The following YTHDF2 variants were observed in gnomAD, a reference collection of about 807,000 sequenced individuals.
YTHDF2 encodes YTH N6-methyladenosine RNA binding protein F2, also known as YTH domain-containing family protein 2.
A neutral mutation model predicts 50.4 loss-of-function variants in YTHDF2; 2 were observed. That is an observed-to-expected ratio of 0.04 (90% CI 0.02 to 0.12). The LOEUF is 0.12. Ranked by LOEUF, YTHDF2 falls within the 10% of genes least tolerant of loss-of-function variation. The pLI is 1.00. For missense variants in YTHDF2, 483 were observed against 722.6 expected (o/e 0.67, Z 3.80); for synonymous variants, 217 against 255.6 (o/e 0.85, Z 1.44).
chr1:28,737,336 G>A, intron 1 of YTHDF2, 189 bp downstream of exon 1: 2 of 764,010 alleles, frequency 2.6e-6, no homozygotes. Flanking sequence ...CTTCTCCTCG[G>A]GCCTCGGAGC....
At chr1:28,753,054 A>C in intron 4 of YTHDF2, among the ~76,000 whole-genome samples, 1 of 151,866 alleles carries the variant, frequency 6.6e-6, no homozygotes, top group East Asian at 1.9e-4. Context: ...AGAAAAAAAA[A>C]TTTTTTTGAG....
Position 28,743,216 on chromosome 1 carries a change from C to G in YTHDF2, c.946C>G (p.Pro316Ala), listed in dbSNP as rs750376235. The G allele has an allele frequency of 9.3e-6, 15 of 1,614,154 alleles. No individual in the cohort carries two copies. The highest frequency in any genetic ancestry group is 1.3e-5 in the Non-Finnish European group (15 of 1,180,050). The change falls in exon 4 of 5, where the codon CCA becomes GCA. Residue 316 changes from proline (P) to alanine (A), a missense_variant. Transcript: ENST00000373812. This position sits in a 1 kb window ranked among gnomAD's most constrained non-coding sequence, Gnocchi z 6.9. Reference protein sequence around the residue: ...PVGQQANNSPPVAQASVGQQT... With the variant: ...PVGQQANNSPAVAQASVGQQT... ...AGGTCAGCAGGCTAACAATAGCCCA[C>G]CAGTGGCTCAGGCATCAGTAGGGCA... is the stretch of plus-strand genomic sequence containing the variant.
intron 4 of YTHDF2, among the ~76,000 whole-genome samples, chr1:28,768,634 TC>T (rs1358467965): frequency 6.6e-6 from 1 of 152,160 alleles, no homozygotes; most frequent in African/African-American, 2.4e-5. Flanking sequence ...TTGGGTTACT[TC>T]CATTAGGCCC....
chr1:28,749,166 CCTTT>C (rs1344633727), intron 4 of YTHDF2, among the ~76,000 whole-genome samples: 5 of 140,742 alleles, frequency 3.6e-5, no homozygotes, highest in Admixed American at 7.1e-5. Flanking sequence ...CAGTTAAGAG[CCTTT>C]CTTTCTTCCT....
At chr1:28,759,635 CAG>C (rs1458038084) in intron 4 of YTHDF2, among the ~76,000 whole-genome samples, 1 of 152,134 alleles carries the variant, frequency 6.6e-6, no homozygotes, top group Non-Finnish European at 1.5e-5. Context: ...TATCTAAACA[CAG>C]AAAATGTACA....
At position 28,766,799 on chromosome 1, in the gene YTHDF2, G is replaced by T. The variant is rs563542000; in HGVS notation, c.1717-2130G>T. The stretch of plus-strand genomic sequence containing the variant: ...CAAGAAGGAGCCTACTGATGCCCTG[G>T]CTTCCCACTCTGTTTCCAATCTATA... On this transcript the variant is annotated intron_variant, in intron 4 of 4. Transcript: ENST00000373812. Among the ~76,000 whole-genome samples the T allele has an allele frequency of 2.0e-5, 3 of 151,492 alleles. No individual in the cohort carries two copies. The East Asian group carries it at 5.8e-4, about 29-fold the overall frequency.
Position 28,741,739 on chromosome 1 carries a change from G to A in YTHDF2, c.133-664G>A, listed in dbSNP as rs1205824412. Among the ~76,000 whole-genome samples, 3 of 152,200 alleles carry A rather than the reference G, an allele frequency of 2.0e-5. No homozygotes were observed. The East Asian group carries it at 5.8e-4, about 29-fold the overall frequency. On this transcript the variant is annotated intron_variant, in intron 3 of 4. Transcript: ENST00000373812. ...TAGTGAACCTTGCTTTTTGGTTTAT[G>A]ATTGAGGAACGGCTGTACAGACATT...
At chr1:28,737,353 G>A (rs2087707162) in intron 1 of YTHDF2, 1 of 662,778 alleles carries the variant, frequency 1.5e-6, no homozygotes, top group Non-Finnish European at 2.4e-6. Flanking sequence ...GAGCCCACGG[G>A]CCGGGCCGCG....
Position 28,737,158 on chromosome 1 carries a change from G to C in YTHDF2, c.27+11G>C. 1 of 1,587,770 alleles carries C rather than the reference G, an allele frequency of 6.3e-7. No homozygotes were observed. Among genetic ancestry groups the C allele is most frequent in the Non-Finnish European group, 8.5e-7 (1 of 1,169,772 alleles). On this transcript the variant is annotated intron_variant, in intron 1 of 4. Transcript: ENST00000373812. ...AGCCTCTTGGAGCAGGTACAGGCCC[G>C]GCCCGCATGCCTCGGCCATTGTGTG...
At chr1:28,761,052 C>T (rs1331831074) in intron 4 of YTHDF2, among the ~76,000 whole-genome samples, 1 of 151,192 alleles carries the variant, frequency 6.6e-6, no homozygotes, top group African/African-American at 2.4e-5. Flanking sequence ...TTTGTCAGCT[C>T]CATTATAATC....
At chr1:28,745,071 C>T (rs1230601575) in intron 4 of YTHDF2, among the ~76,000 whole-genome samples, 1 of 152,090 alleles carries the variant, frequency 6.6e-6, no homozygotes, top group Non-Finnish European at 1.5e-5. Context: ...GTTGATTAAT[C>T]TCAAATATAA....
At position 28,742,978 on chromosome 1, in the gene YTHDF2, A is replaced by G. The variant is rs771804568; in HGVS notation, c.708A>G (p.Pro236=). The change falls in exon 4 of 5, where the codon CCA becomes CCG. Residue 236 remains proline (P), a synonymous_variant. Coordinates refer to ENST00000373812, the MANE Select transcript of YTHDF2 (RefSeq NM_016258.3). ...CAGCCACCATTGCTCCTCCAAAACC[A>G]GCATCTTGGGCTGATATTGCTAGCA... ...LPPATIAPPK[P]ASWADIASKP... is the part of the protein sequence containing the mutation. The G allele has an allele frequency of 2.5e-6, 4 of 1,614,180 alleles. No individual in the cohort carries two copies. The highest frequency in any genetic ancestry group is 3.4e-6 in the Non-Finnish European group (4 of 1,180,028).
chr1:28,738,822 C>T lies in YTHDF2; in HGVS notation c.132+484C>T, dbSNP rs190935082. ...GTTCTGAGGGTTCACCTCCTTAATA[C>T]CTATTAATGTATTATAAAACAGTTA... On this transcript the variant is annotated intron_variant, in intron 3 of 4. Coordinates refer to ENST00000373812, the MANE Select transcript of YTHDF2 (RefSeq NM_016258.3). Among the ~76,000 whole-genome samples the T allele has an allele frequency of 5.9e-5, 9 of 152,320 alleles. No individual in the cohort carries two copies. The East Asian group carries it at 1.2e-3, about 20-fold the overall frequency.
intron 3 of YTHDF2, among the ~76,000 whole-genome samples, chr1:28,741,811 A>G (rs954431832): frequency 1.3e-5 from 2 of 152,072 alleles, no homozygotes; most frequent in East Asian, 1.9e-4. Flanking sequence ...TTCTTGTTTT[A>G]TTATCACCTG....
At chr1:28,739,212 A>AG (rs1270377552) in intron 3 of YTHDF2, 3 of 152,194 alleles carry the variant, frequency 2.0e-5, no homozygotes, top group Non-Finnish European at 4.4e-5. Context: ...TCTCTAAAAA[A>AG]TAGTCACCTG....
intron 4 of YTHDF2, among the ~76,000 whole-genome samples, chr1:28,767,644 G>A (rs1407660584): frequency 6.6e-6 from 1 of 152,024 alleles, no homozygotes; most frequent in Non-Finnish European, 1.5e-5. Flanking sequence ...GAGTAGCTGA[G>A]ATTACAGGTG....
chr1:28,761,611 C>T (rs1257418690), intron 4 of YTHDF2, among the ~76,000 whole-genome samples: 1 of 152,154 alleles, frequency 6.6e-6, no homozygotes. Flanking sequence ...GTGGCGCACG[C>T]ATGTAATCCC....
chr1:28,748,749 A>G (rs1157221947), intron 4 of YTHDF2, among the ~76,000 whole-genome samples: 1 of 152,182 alleles, frequency 6.6e-6, no homozygotes, highest in Non-Finnish European at 1.5e-5. Flanking sequence ...TGCAGATACT[A>G]TTGTGTGACC....
At chr1:28,742,271 A>G (rs2087788033) in intron 3 of YTHDF2, 132 bp from the exon 4 acceptor site, 1 of 1,176,090 alleles carries the variant, frequency 8.5e-7, no homozygotes, top group Non-Finnish European at 1.2e-6. Context: ...TAGGGATTAC[A>G]GGTGTGAGCC....
Sources: allele counts gnomAD v4.1 joint callset (sites outside exome capture counted in the v4.1 genomes callset), GRCh38; gene constraint gnomAD v4.1.1; non-coding constraint Gnocchi (gnomAD v3.1); transcripts MANE v1.5; gene names NCBI Gene and HGNC (gene_info 2026-07-23, HGNC 2026-07-21).